Variants in MFSD11 observed in about 807,000 individuals in gnomAD.
MFSD11 encodes UNC93-like protein MFSD11.
A neutral mutation model predicts 53.5 loss-of-function variants in MFSD11; 36 were observed. The ratio of observed to expected loss-of-function variants is 0.67; its 90% CI spans 0.52 to 0.89. MFSD11 has a LOEUF of 0.89. MFSD11 is among the 40% of genes least tolerant of loss of function. MFSD11 has a pLI of 0.00. For synonymous variants in MFSD11, 186 were observed against 184.9 expected, an observed-to-expected ratio of 1.01 and a Z score of -0.05; for missense variants, 530 against 543.9, an observed-to-expected ratio of 0.97 and a Z score of 0.25.
chr17:76,742,189 C>T lies in MFSD11; in HGVS notation c.353C>T (p.Ala118Val). 1.2e-6 allele frequency: 2 copies of T among 1,614,164 alleles called. No homozygotes were observed. Among genetic ancestry groups the T allele is most frequent in the Non-Finnish European group, 1.7e-6 (2 of 1,180,020 alleles). The change falls in exon 5 of 13, where the codon GCA (alanine) becomes GTA (valine). Residue 118 changes from alanine (A) to valine (V), a missense_variant. Physicochemically the swap from Ala to Val is moderately conservative, Grantham distance 64. Coordinates refer to ENST00000685175, the MANE Select transcript of MFSD11 (RefSeq NM_001242532.5). ...GGTTGAATTTTAGTGCTTTGGACAG[C>T]ACAAGGAAACTGCCTGACAATCAAT... ...IGIAAAVLWTAQGNCLTINSD... is the reference protein window; with the variant it reads ...IGIAAAVLWTVQGNCLTINSD...
chr17:76,768,041 G>C (rs984718637), intron 9 of MFSD11, among the ~76,000 whole-genome samples: 1 of 152,156 alleles, frequency 6.6e-6, no homozygotes, highest in African/African-American at 2.4e-5. Context: ...AGTGGCTCAC[G>C]CCTGTAATCC....
upstream of MFSD11, chr17:76,738,060 TC>T (rs1598443409): frequency 4.6e-6 from 2 of 432,102 alleles, no homozygotes; most frequent in East Asian, 6.9e-5. Flanking sequence ...GGCCCTTTAA[TC>T]CCCTTCGTGG....
chr17:76,772,632 C>G (rs1010337905), intron 10 of MFSD11, among the ~76,000 whole-genome samples: 5 of 151,230 alleles, frequency 3.3e-5, no homozygotes, highest in Non-Finnish European at 7.4e-5. Context: ...ATTCTTCTGC[C>G]TCAGCCTCCC....
At chr17:76,798,037 C>A in the MFSD11 span, among the ~76,000 whole-genome samples, 1 of 151,810 alleles carries the variant, frequency 6.6e-6, no homozygotes, top group Non-Finnish European at 1.5e-5. Flanking sequence ...GTGCGCACCA[C>A]CACGCCCGGT....
intron 9 of MFSD11, among the ~76,000 whole-genome samples, chr17:76,768,750 C>T (rs980843552): frequency 3.9e-5 from 6 of 152,014 alleles, no homozygotes; most frequent in African/African-American, 7.2e-5. Flanking sequence ...TTTGGGAGGC[C>T]GAGGTGGGTG....
At chr17:76,791,502 T>C in the MFSD11 span, among the ~76,000 whole-genome samples, 1 of 149,112 alleles carries the variant, frequency 6.7e-6, no homozygotes, top group Non-Finnish European at 1.5e-5. Context: ...ATGACTCATA[T>C]TGTAGACACT....
At chr17:76,744,922 T>C (rs954259979) in intron 7 of MFSD11, among the ~76,000 whole-genome samples, 3 of 152,236 alleles carry the variant, frequency 2.0e-5, no homozygotes, top group Admixed American at 6.5e-5. Flanking sequence ...TGGTTATCAC[T>C]AGGCTCTTGC....
At chr17:76,737,010 T>C (rs2077536769), upstream of MFSD11, 1 of 1,613,302 alleles carries the variant, frequency 6.2e-7, no homozygotes, top group African/African-American at 1.3e-5. Flanking sequence ...GACTCCTTGG[T>C]GTAGCGGTCC....
the MFSD11 span, among the ~76,000 whole-genome samples, chr17:76,797,966 C>T: frequency 6.6e-6 from 1 of 152,032 alleles, no homozygotes; most frequent in Non-Finnish European, 1.5e-5. Flanking sequence ...TCACTGCAGC[C>T]TCAAACTCCT....
Position 76,776,343 on chromosome 17 carries a change from T to C in MFSD11, c.1050-63T>C, listed in dbSNP as rs1231239345. 6.5e-7 allele frequency: 1 copy of C among 1,550,074 alleles called. No homozygotes were observed. The highest frequency in any genetic ancestry group is 8.7e-7 in the Non-Finnish European group (1 of 1,143,892). On this transcript the variant is annotated intron_variant, in intron 11 of 12. Transcript: ENST00000685175. The surrounding 1 kb of genome is among the most constrained non-coding windows in gnomAD (Gnocchi z 4.2). ...TAGAATTCTTTTGTGGGTGGGTTGCTTGTATATTTTAAATGGCTCTAGCAG... is the reference window on the plus strand; with the variant it reads ...TAGAATTCTTTTGTGGGTGGGTTGCCTGTATATTTTAAATGGCTCTAGCAG...
the MFSD11 span, among the ~76,000 whole-genome samples, chr17:76,794,615 C>T: frequency 8.2e-6 from 1 of 121,472 alleles, no homozygotes; most frequent in Non-Finnish European, 1.6e-5. Flanking sequence ...GCACTTCAAC[C>T]TTGGCGACAG....
At chr17:76,779,859 G>A (rs1212041474), downstream of MFSD11, among the ~76,000 whole-genome samples, 1 of 152,134 alleles carries the variant, frequency 6.6e-6, no homozygotes, top group Non-Finnish European at 1.5e-5. Context: ...ATTTACTGAG[G>A]GAGGACTTTT....
chr17:76,737,946 G>T, upstream of MFSD11: 2 of 222,174 alleles, frequency 9.0e-6, no homozygotes, highest in Non-Finnish European at 1.8e-5. Context: ...TTCCCAGCGG[G>T]CCGAGCGGCC....
At chr17:76,745,961 C>G (rs957956869) in intron 7 of MFSD11, among the ~76,000 whole-genome samples, 1 of 152,086 alleles carries the variant, frequency 6.6e-6, no homozygotes, top group African/African-American at 2.4e-5. Context: ...ACCACCACAC[C>G]CGGCTAATGA....
chr17:76,754,195 AT>A, intron 8 of MFSD11, 108 bp downstream of exon 8: 4 of 806,876 alleles, frequency 5.0e-6, no homozygotes, highest in Non-Finnish European at 4.1e-6. Flanking sequence ...CAGGGTTTGC[AT>A]TTTTCCAGGT....
chr17:76,751,693 G>C (rs1300966266), intron 7 of MFSD11, among the ~76,000 whole-genome samples: 1 of 147,010 alleles, frequency 6.8e-6, no homozygotes, highest in Non-Finnish European at 1.5e-5. Context: ...AGCAAGACTC[G>C]GTCTCAAAAA....
At chr17:76,790,082 T>A in the MFSD11 span, among the ~76,000 whole-genome samples, 1 of 146,456 alleles carries the variant, frequency 6.8e-6, no homozygotes, top group Non-Finnish European at 1.5e-5. Context: ...TTTCTTTTTT[T>A]TTTTTTTCTT....
At chr17:76,737,296 A>T, upstream of MFSD11, 1 of 1,255,456 alleles carries the variant, frequency 8.0e-7, no homozygotes, top group Non-Finnish European at 1.1e-6. Flanking sequence ...AACAGCACGG[A>T]CGGGCTCCGC....
At position 76,744,317 on chromosome 17, in the gene MFSD11, C is replaced by A. The variant is rs752123039; in HGVS notation, c.497-5C>A. The stretch of plus-strand genomic sequence containing the variant: ...ACTATCTTGTTTCTTCTTTTTTCTC[C>A]GTAGAGAGTGACCGAAGAACAGTGT... On this transcript the variant is annotated splice_region_variant and splice_polypyrimidine_tract_variant and intron_variant, in intron 6 of 12. Transcript: ENST00000685175. 6.2e-7 allele frequency: 1 copy of A among 1,604,250 alleles called. No homozygotes were observed.
Sources: allele counts gnomAD v4.1 joint callset (sites outside exome capture counted in the v4.1 genomes callset), GRCh38; gene constraint gnomAD v4.1.1; non-coding constraint Gnocchi (gnomAD v3.1); transcripts MANE v1.5; gene names NCBI Gene and HGNC (gene_info 2026-07-23, HGNC 2026-07-21).